Variants in TAF12 observed in about 807,000 individuals in gnomAD.
The protein encoded by TAF12 is TATA-box binding protein associated factor 12.
Under a neutral mutation model 20.8 loss-of-function variants are expected in TAF12, and 3 were observed. The observed-to-expected ratio is 0.14, with a 90% CI of 0.07 to 0.37. TAF12 has a LOEUF of 0.37. TAF12 is among the 10% of genes least tolerant of loss of function. The pLI is 1.00. For missense variants in TAF12, 131 were observed against 197.9 expected (o/e 0.66, Z 2.03); for synonymous variants, 69 against 70.2 (o/e 0.98, Z 0.09).
chr1:28,609,002 T>C (rs1262892962), intron 4 of TAF12, among the ~76,000 whole-genome samples: 1 of 152,092 alleles, frequency 6.6e-6, no homozygotes, highest in African/African-American at 2.4e-5. Flanking sequence ...TACATACATG[T>C]ATGTGTGTCT....
intron 1 of TAF12, 167 bp downstream of exon 1, chr1:28,642,825 G>T: frequency 1.0e-6 from 1 of 985,322 alleles, no homozygotes; most frequent in Non-Finnish European, 1.2e-6. Flanking sequence ...CCACAGCCGC[G>T]TCTTCTCCGA....
chr1:28,641,014 A>G (rs4252962), intron 1 of TAF12, among the ~76,000 whole-genome samples: 33,561 of 151,920 alleles, frequency 0.22, 4,130 homozygotes, highest in Middle Eastern at 0.33. Context: ...GTTGCAGTGA[A>G]CTATGATTAT....
At chr1:28,608,058 G>A (rs182171526) in intron 4 of TAF12, among the ~76,000 whole-genome samples, 2,596 of 151,866 alleles carry the variant, frequency 0.017, 39 homozygotes, top group Middle Eastern at 0.038. Flanking sequence ...ACAGCCGGGC[G>A]TGATGGCTCA....
At position 28,642,102 on chromosome 1, in the gene TAF12, T is replaced by TA. The variant is rs1436428218; in HGVS notation, c.-85+889dup. 3.3e-5 allele frequency among the ~76,000 whole-genome samples: 5 copies of TA among 152,132 alleles called. No homozygotes were observed. In the East Asian group the frequency reaches 9.6e-4, roughly 29 times the overall value. ...TGAGTGGAATGGGATTTAAAGCACT[T>TA]ATCAAGTACATAACTGAGTTCCAAC... On this transcript the variant is annotated intron_variant, in intron 1 of 5. Coordinates refer to ENST00000373824, the MANE Select transcript of TAF12 (RefSeq NM_005644.4).
Position 28,622,185 on chromosome 1 carries a change from G to T in TAF12, c.-84-20C>A. 2.7e-6 allele frequency: 4 copies of T among 1,488,362 alleles called. No homozygotes were observed. In the South Asian group the frequency reaches 4.3e-5, roughly 16 times the overall value. The allele number at this position is 1,488,362 out of a possible 1,614,324, so 92.2% of individuals were successfully genotyped here. ...AATTAACTGGAGAAGAAAAGCACAA[G>T]AATTAGCTCTAGAAGAACCTGTAAT... On this transcript the variant is annotated intron_variant, in intron 1 of 5. Transcript: ENST00000373824.
chr1:28,634,434 A>C (rs1309712103), intron 1 of TAF12, among the ~76,000 whole-genome samples: 1 of 151,534 alleles, frequency 6.6e-6, no homozygotes, highest in Non-Finnish European at 1.5e-5. Flanking sequence ...AAAAAAAAAA[A>C]AACCCCACAA....
chr1:28,625,082 C>G lies in TAF12; in HGVS notation c.-84-2917G>C, dbSNP rs145076195. On this transcript the variant is annotated intron_variant, in intron 1 of 5. Transcript: ENST00000373824. ...TCTATGCAAAAGCCTCATTAAGGAT[C>G]ATCAAACTGTATCCTCATCACTCTA... 2.2e-3 allele frequency among the ~76,000 whole-genome samples: 332 copies of G among 152,344 alleles called. 1 individual carries two copies. The highest frequency in any genetic ancestry group is 7.7e-3 in the African/African-American group (321 of 41,570).
chr1:28,618,380 T>C (rs1667106933), intron 2 of TAF12, among the ~76,000 whole-genome samples: 2 of 152,044 alleles, frequency 1.3e-5, no homozygotes, highest in African/African-American at 4.8e-5. Context: ...GTTTGTTTTT[T>C]TGTTTTGTTT....
intron 1 of TAF12, among the ~76,000 whole-genome samples, chr1:28,631,396 A>C (rs1667614489): frequency 6.6e-6 from 1 of 151,934 alleles, no homozygotes; most frequent in East Asian, 1.9e-4. Context: ...GTGTTGGCAC[A>C]CACCTATAGT....
chr1:28,614,159 A>G (rs1168016467), intron 3 of TAF12, among the ~76,000 whole-genome samples: 1 of 151,968 alleles, frequency 6.6e-6, no homozygotes, highest in Admixed American at 6.6e-5. Flanking sequence ...AATTACCTGA[A>G]CCTGGGAGGC....
intron 1 of TAF12, among the ~76,000 whole-genome samples, chr1:28,637,558 G>A (rs564918184): frequency 1.4e-4 from 21 of 152,030 alleles, no homozygotes; most frequent in African/African-American, 4.6e-4. Flanking sequence ...CCAGCTACTC[G>A]GGAGGCTGAG....
At position 28,623,021 on chromosome 1, in the gene TAF12, G is replaced by A. The variant is rs537481978; in HGVS notation, c.-84-856C>T. Among the ~76,000 whole-genome samples the A allele has an allele frequency of 2.0e-5, 3 of 148,762 alleles. No individual in the cohort carries two copies. The South Asian group carries it at 6.4e-4, about 32-fold the overall frequency. On this transcript the variant is annotated intron_variant, in intron 1 of 5. Coordinates refer to ENST00000373824, the MANE Select transcript of TAF12 (RefSeq NM_005644.4). ...CAGCCTGGGCAACAGAGTGAGACTC[G>A]CCCCCACCGCCCCACAAAAAAAAAA... is the stretch of plus-strand genomic sequence containing the variant.
In TAF12 at chr1:28,613,182, A is replaced by G. The variant is rs1036624730; in HGVS notation, c.361+65T>C. 3 of 1,399,318 alleles carry G rather than the reference A, an allele frequency of 2.1e-6. No individual in the cohort carries two copies. In the African/African-American group the frequency reaches 4.3e-5, roughly 20 times the overall value. 86.7% of individuals were successfully genotyped at this position (1,399,318 alleles called of 1,614,324 possible). A position where few individuals can be genotyped will look rare whatever the true frequency, so the allele number is the denominator to read the frequency against. On this transcript the variant is annotated intron_variant, in intron 4 of 5. Transcript: ENST00000373824. ...CTGGCATGAAGGTTCCTCTGACTAC[A>G]CTTTCCCTGGCAGTCCTGAAGAAGC...
At chr1:28,611,110 G>A (rs1666847426) in intron 4 of TAF12, among the ~76,000 whole-genome samples, 1 of 152,054 alleles carries the variant, frequency 6.6e-6, no homozygotes, top group Non-Finnish European at 1.5e-5. Flanking sequence ...TCTGCCAGGT[G>A]CTCATGGGAT....
intron 1 of TAF12, among the ~76,000 whole-genome samples, chr1:28,629,898 C>A (rs995258853): frequency 6.6e-6 from 1 of 151,990 alleles, no homozygotes; most frequent in Non-Finnish European, 1.5e-5. Context: ...CCTCAGCTTC[C>A]CAAATAGCTG....
At chr1:28,618,534 A>ATTTTT (rs968347496) in intron 2 of TAF12, among the ~76,000 whole-genome samples, 3 of 125,704 alleles carry the variant, frequency 2.4e-5, no homozygotes, top group East Asian at 4.4e-4. Context: ...TACCTGGCTA[A>ATTTTT]TTTTTTTTTT....
chr1:28,639,424 C>CAGAAAAAAAAAAAAA (rs1667959644), intron 1 of TAF12, among the ~76,000 whole-genome samples: 1 of 52,502 alleles, frequency 1.9e-5, no homozygotes, highest in Non-Finnish European at 3.8e-5. Context: ...AACTCCGTCT[C>CAGAAAAAAAAAAAAA]ACAAAAAAAA....
chr1:28,617,442 TA>T (rs1667078240), intron 3 of TAF12, among the ~76,000 whole-genome samples: 1 of 151,694 alleles, frequency 6.6e-6, no homozygotes, highest in Admixed American at 6.6e-5. Context: ...CACGCTCAGC[TA>T]ATTTTTTTTC....
chr1:28,603,631 TG>T, intron 5 of TAF12, 57 bp from the exon 6 acceptor site: 1 of 1,584,590 alleles, frequency 6.3e-7, no homozygotes, highest in Admixed American at 1.7e-5. Context: ...AGGAGCTTTC[TG>T]GAACATTCTG....
Sources: allele counts gnomAD v4.1 joint callset (sites outside exome capture counted in the v4.1 genomes callset), GRCh38; gene constraint gnomAD v4.1.1; transcripts MANE v1.5; gene names NCBI Gene and HGNC (gene_info 2026-07-23, HGNC 2026-07-21).